The following SANBR variants were observed in gnomAD, a reference collection of about 807,000 sequenced individuals.
SANBR encodes the protein SANT and BTB domain regulator of class switch recombination.
In SANBR, 77 loss-of-function variants were observed where a neutral mutation model predicts 101.8. The ratio of observed to expected loss-of-function variants is 0.76; its 90% CI spans 0.63 to 0.91. The LOEUF (loss-of-function observed/expected upper bound fraction) is 0.91. Ranked by LOEUF, SANBR falls within the 40% of genes least tolerant of loss-of-function variation. The pLI is 0.00. For synonymous variants in SANBR, 279 were observed against 274.7 expected, an observed-to-expected ratio of 1.02 and a Z score of -0.15; for missense variants, 875 against 853.0, an observed-to-expected ratio of 1.03 and a Z score of -0.32.
chr2:61,070,247 A>G lies in SANBR; in HGVS notation c.-9-95A>G, dbSNP rs1003140067. The G allele has an allele frequency of 1.7e-5, 15 of 861,328 alleles. No homozygotes were observed. In the South Asian group the frequency reaches 3.0e-4, roughly 17 times the overall value. The allele number at this position is 861,328 out of a possible 1,614,324, so 53.4% of individuals were successfully genotyped here. On this transcript the variant is annotated intron_variant, in intron 2 of 21. Coordinates refer to ENST00000402291, the MANE Select transcript of SANBR (RefSeq NM_001129993.3). ...TTACTTTTCCTTTACATGGTAGCAG[A>G]TAATTATTAGGAATGAATTATAACT...
At chr2:61,130,897 T>C (rs1684666550) in intron 20 of SANBR, among the ~76,000 whole-genome samples, 1 of 113,098 alleles carries the variant, frequency 8.8e-6, no homozygotes, top group Non-Finnish European at 1.6e-5. Flanking sequence ...ACCATTGCAC[T>C]CCAGTCTGGG....
chr2:61,121,809 A>G (rs1375653523), intron 21 of SANBR, among the ~76,000 whole-genome samples: 1 of 152,200 alleles, frequency 6.6e-6, no homozygotes, highest in Non-Finnish European at 1.5e-5. Context: ...AAGTGTTTTC[A>G]TACATTTGTA....
Position 61,122,551 on chromosome 2 carries a change from A to G in SANBR, c.*389A>G. 1.0e-6 allele frequency: 1 copy of G among 995,748 alleles called. No homozygotes were observed. Among genetic ancestry groups the G allele is most frequent in the Non-Finnish European group, 1.2e-6 (1 of 836,782 alleles). The allele number at this position is 995,748 out of a possible 1,614,324, so 61.7% of individuals were successfully genotyped here. ...GGTAGTGTTACCATGCATGGCACTG[A>G]TTGTAGTATGTCTTTGGAGCTGTAA... On this transcript the variant is annotated 3_prime_UTR_variant, in exon 22 of 22. Transcript: ENST00000402291.
chr2:61,080,305 G>A (rs963422383), intron 6 of SANBR, among the ~76,000 whole-genome samples: 7 of 151,840 alleles, frequency 4.6e-5, no homozygotes, highest in South Asian at 2.1e-4. Flanking sequence ...TTCTAACCAG[G>A]AAAACTACCA....
downstream of SANBR, among the ~76,000 whole-genome samples, chr2:61,128,979 G>T (rs544873430): frequency 6.6e-6 from 1 of 152,160 alleles, no homozygotes; most frequent in South Asian, 2.1e-4. Context: ...AGGAGGAGAA[G>T]GCAGTGGGAT....
intron 1 of SANBR, among the ~76,000 whole-genome samples, chr2:61,068,037 A>C (rs543969699): frequency 6.6e-6 from 1 of 152,308 alleles, no homozygotes; most frequent in Non-Finnish European, 1.5e-5. Flanking sequence ...CCTTCTCGTT[A>C]ATTCAGTAAA....
chr2:61,088,029 A>G (rs80292122), intron 8 of SANBR, 130 bp from the exon 9 acceptor site: 114 of 535,206 alleles, frequency 2.1e-4, no homozygotes, highest in Non-Finnish European at 3.2e-4. Flanking sequence ...CTAAAAATGT[A>G]TTATAAACTC....
chr2:61,094,753 C>T (rs775098806), intron 11 of SANBR, among the ~76,000 whole-genome samples: 10 of 149,428 alleles, frequency 6.7e-5, no homozygotes, highest in Non-Finnish European at 1.3e-4. Context: ...AAGCGATTCT[C>T]CTGTCTCAGC....
intron 20 of SANBR, among the ~76,000 whole-genome samples, chr2:61,132,775 A>T (rs974747168): frequency 2.0e-5 from 3 of 152,264 alleles, no homozygotes; most frequent in African/African-American, 7.2e-5. Flanking sequence ...TGACTGATAA[A>T]TGGAGAAAGA....
intron 16 of SANBR, among the ~76,000 whole-genome samples, chr2:61,111,703 T>C (rs1559133308): frequency 6.6e-6 from 1 of 152,246 alleles, no homozygotes; most frequent in Non-Finnish European, 1.5e-5. Flanking sequence ...TCCCCCTTTG[T>C]ACTCAGTTCC....
chr2:61,109,991 G>A (rs1034469415), intron 16 of SANBR, among the ~76,000 whole-genome samples: 2 of 151,986 alleles, frequency 1.3e-5, no homozygotes, highest in Non-Finnish European at 2.9e-5. Flanking sequence ...ATTAACTTGT[G>A]TCAAAATTTC....
Position 61,124,218 on chromosome 2 carries a change from A to G in SANBR, c.*2056A>G, listed in dbSNP as rs1684446273. The G allele has an allele frequency of 1.0e-6, 1 of 973,950 alleles. No individual in the cohort carries two copies. Among genetic ancestry groups the G allele is most frequent in the Non-Finnish European group, 1.2e-6 (1 of 819,504 alleles). 60.3% of individuals were successfully genotyped at this position (973,950 alleles called of 1,614,324 possible). On this transcript the variant is annotated 3_prime_UTR_variant, in exon 22 of 22. Coordinates refer to ENST00000402291, the MANE Select transcript of SANBR (RefSeq NM_001129993.3). ...CATTTCTTTCGCCAGATACTTTAATATTTCACCTTACATTAATCCTGGATT... is the reference window on the plus strand; with the variant it reads ...CATTTCTTTCGCCAGATACTTTAATGTTTCACCTTACATTAATCCTGGATT...
intron 16 of SANBR, among the ~76,000 whole-genome samples, chr2:61,109,524 A>G (rs1683720560): frequency 6.6e-6 from 1 of 152,146 alleles, no homozygotes; most frequent in African/African-American, 2.4e-5. Flanking sequence ...CCAGGTTTTC[A>G]CTTCAGGTGC....
chr2:61,089,950 T>A (rs988435554), intron 10 of SANBR, among the ~76,000 whole-genome samples: 1 of 152,114 alleles, frequency 6.6e-6, no homozygotes, highest in African/African-American at 2.4e-5. Flanking sequence ...GAGGATTACT[T>A]GAGACCAGGA....
intron 8 of SANBR, among the ~76,000 whole-genome samples, chr2:61,085,606 G>T (rs551946143): frequency 6.6e-6 from 1 of 152,014 alleles, no homozygotes; most frequent in African/African-American, 2.4e-5. Flanking sequence ...CGCCTCCCAG[G>T]TTCAAGCAAT....
At chr2:61,120,327 C>T (rs1178940435) in intron 20 of SANBR, among the ~76,000 whole-genome samples, 1 of 152,170 alleles carries the variant, frequency 6.6e-6, no homozygotes, top group Non-Finnish European at 1.5e-5. Flanking sequence ...TGGTGAAACC[C>T]CGTCTCCACT....
intron 7 of SANBR, 39 bp from the exon 8 acceptor site, chr2:61,083,115 T>C: frequency 6.9e-7 from 1 of 1,447,394 alleles, no homozygotes. Context: ...TTGTCCTTCA[T>C]GCTACTATTT....
chr2:61,102,945 G>C (rs1269867395), intron 12 of SANBR, among the ~76,000 whole-genome samples: 1 of 152,036 alleles, frequency 6.6e-6, no homozygotes, highest in Non-Finnish European at 1.5e-5. Context: ...ATGAGCACTT[G>C]TGTACTGAGA....
intron 13 of SANBR, among the ~76,000 whole-genome samples, chr2:61,104,658 G>A (rs886146131): frequency 6.6e-6 from 1 of 152,090 alleles, no homozygotes; most frequent in African/African-American, 2.4e-5. Context: ...AATATTGATG[G>A]CTGAGTTCAT....
Sources: allele counts gnomAD v4.1 joint callset (sites outside exome capture counted in the v4.1 genomes callset), GRCh38; gene constraint gnomAD v4.1.1; transcripts MANE v1.5; gene names NCBI Gene and HGNC (gene_info 2026-07-23, HGNC 2026-07-21).